Variants in TGFB1 observed in about 807,000 individuals in gnomAD.
TGFB1 encodes the protein transforming growth factor beta 1.
TGFB1 carries 19 observed loss-of-function variants against 43.8 expected under a neutral mutation model. That is an observed-to-expected ratio of 0.43 (90% CI 0.30 to 0.64). TGFB1 has a LOEUF of 0.64. Ranked by LOEUF, TGFB1 falls within the 30% of genes least tolerant of loss-of-function variation. The pLI is 0.11. For missense variants in TGFB1, 445 were observed against 529.8 expected (o/e 0.84, Z 1.57); for synonymous variants, 221 against 236.3 (o/e 0.94, Z 0.60).
intron 2 of TGFB1, among the ~76,000 whole-genome samples, chr19:41,347,843 A>G (rs1483071210): frequency 2.0e-5 from 3 of 149,904 alleles, no homozygotes; most frequent in African/African-American, 7.4e-5. Flanking sequence ...AAAAAAAAAA[A>G]AAAAAAGAGG....
At chr19:41,331,375 T>C (rs1792213120) in intron 6 of TGFB1, among the ~76,000 whole-genome samples, 165 bp from the exon 7 acceptor site, 1 of 152,058 alleles carries the variant, frequency 6.6e-6, no homozygotes, top group African/African-American at 2.4e-5. Flanking sequence ...TCTAACATCC[T>C]ATCTTATTCT....
At position 41,344,757 on chromosome 19, in the gene TGFB1, C is replaced by T; in HGVS notation, c.624G>A (p.Leu208=). 6.2e-7 allele frequency: 1 copy of T among 1,613,976 alleles called. No homozygotes were observed. The highest frequency in any genetic ancestry group is 8.5e-7 in the Non-Finnish European group (1 of 1,179,988). The change falls in exon 3 of 7, where the codon TTG becomes TTA. Residue 208 remains leucine, a synonymous_variant. Transcript: ENST00000221930. ...ACAAGTAATCCTCACCTCCACGGCTCAACCACTGCCGCACAACTCCGGTGA... is the reference window on the plus strand; with the variant it reads ...ACAAGTAATCCTCACCTCCACGGCTTAACCACTGCCGCACAACTCCGGTGA... ...FDVTGVVRQW[L]SRGGEIEGFR... is the part of the protein sequence containing the mutation.
At position 41,330,856 on chromosome 19, in the gene TGFB1, G is replaced by A. The variant is rs201103297; in HGVS notation, c.*196C>T. On this transcript the variant is annotated 3_prime_UTR_variant, in exon 7 of 7. Coordinates refer to ENST00000221930, the MANE Select transcript of TGFB1 (RefSeq NM_000660.7). ...AGAGGGAGAGAGAGGGAGTGGGAGT[G>A]GGGGAACGTCAGGGATGGAGACCCC... 5.7e-6 allele frequency: 3 copies of A among 527,366 alleles called. No individual in the cohort carries two copies. In the South Asian group the frequency reaches 7.0e-5, roughly 12 times the overall value. The allele number at this position is 527,366 out of a possible 1,614,324, so 32.7% of individuals were successfully genotyped here. A position where few individuals can be genotyped will look rare whatever the true frequency, so the allele number is the denominator to read the frequency against.
intron 2 of TGFB1, among the ~76,000 whole-genome samples, chr19:41,345,173 G>A (rs1285058033): frequency 2.0e-5 from 3 of 152,212 alleles, no homozygotes; most frequent in African/African-American, 4.8e-5. Flanking sequence ...CCCACTCAGC[G>A]TGGACAGCCC....
rs761285322 is a variant in TGFB1, at chr19:41,342,246, C to T, written c.636G>A (p.Gly212=). 1.3e-6 allele frequency: 2 copies of T among 1,594,854 alleles called. No individual in the cohort carries two copies. Among genetic ancestry groups the T allele is most frequent in the Admixed American group, 1.7e-5 (1 of 57,270 alleles). The part of the protein sequence containing the change: ...GVVRQWLSRG[G]EIEGFRLSAH... ...CGCTAAGGCGAAAGCCCTCAATTTCCCCTGTAGGAGTGGCGAGAGGGAAGC... is the reference window on the plus strand; with the variant it reads ...CGCTAAGGCGAAAGCCCTCAATTTCTCCTGTAGGAGTGGCGAGAGGGAAGC... The change falls in exon 4 of 7, where the codon GGG becomes GGA. Residue 212 remains glycine, a splice_region_variant and synonymous_variant. Transcript: ENST00000221930.
chr19:41,338,969 C>CGTGTGTGTGTGT (rs71179696), intron 5 of TGFB1, among the ~76,000 whole-genome samples: 1 of 150,122 alleles, frequency 6.7e-6, no homozygotes, highest in Non-Finnish European at 1.5e-5. Flanking sequence ...ATGGGGGGTA[C>CGTGTGTGTGTGT]GTGTGTGTGT....
intron 5 of TGFB1, among the ~76,000 whole-genome samples, chr19:41,339,931 C>T (rs560610758): frequency 7.2e-5 from 11 of 152,000 alleles, no homozygotes; most frequent in African/African-American, 9.7e-5. Flanking sequence ...GGGAAACAGC[C>T]GGTAACAAAG....
intron 3 of TGFB1, among the ~76,000 whole-genome samples, chr19:41,343,306 G>A (rs1002174462): frequency 2.0e-5 from 3 of 151,906 alleles, no homozygotes; most frequent in Admixed American, 1.3e-4. Flanking sequence ...AGCTAATTAT[G>A]TATTTTTAGT....
At chr19:41,334,609 C>G (rs1419373839) in intron 5 of TGFB1, among the ~76,000 whole-genome samples, 1 of 151,602 alleles carries the variant, frequency 6.6e-6, no homozygotes, top group African/African-American at 2.4e-5. Flanking sequence ...AGGACCCTGT[C>G]TTTACTAAAA....
intron 1 of TGFB1, chr19:41,350,915 G>A (rs2038183043): frequency 1.3e-5 from 2 of 152,498 alleles, no homozygotes; most frequent in South Asian, 2.1e-4. Context: ...AGGAGGGAGA[G>A]GAAGGGTTGG....
chr19:41,347,992 C>T (rs929219885), intron 2 of TGFB1, among the ~76,000 whole-genome samples: 24 of 146,766 alleles, frequency 1.6e-4, no homozygotes, highest in African/African-American at 5.7e-4. Flanking sequence ...ATTAGCTGGG[C>T]GTGGTGGCGC....
chr19:41,332,169 G>C lies in TGFB1; in HGVS notation c.973C>G (p.Pro325Ala), dbSNP rs200209614. The C allele has an allele frequency of 3.1e-6, 5 of 1,614,144 alleles. No individual in the cohort carries two copies. In the African/African-American group the frequency reaches 5.3e-5, roughly 17 times the overall value. ...KGYHANFCLG[P>A]CPYIWSLDTQ... The stretch of plus-strand genomic sequence containing the variant: ...TCCAGGCTCCAAATGTAGGGGCAGG[G>C]CCCGAGGCAGAAGTTGGCATGGTAG... The change falls in exon 6 of 7, where the codon CCC becomes GCC. Residue 325 changes from proline (P) to alanine (A), a missense_variant. Pro to Ala is a conservative substitution (Grantham distance 27). Transcript: ENST00000221930.
intron 4 of TGFB1, 41 bp from the exon 5 acceptor site, chr19:41,342,071 C>A (rs1426551651): frequency 6.2e-7 from 1 of 1,613,994 alleles, no homozygotes; most frequent in Non-Finnish European, 8.5e-7. Context: ...GACATACACA[C>A]ACACTCTCAG....
Position 41,344,768 on chromosome 19 carries a change from G to T in TGFB1, c.613C>A (p.Arg205=). 6.2e-7 allele frequency: 1 copy of T among 1,613,854 alleles called. No individual in the cohort carries two copies. Among genetic ancestry groups the T allele is most frequent in the South Asian group, 1.1e-5 (1 of 91,002 alleles). The part of the protein sequence containing the change: ...WLSFDVTGVV[R]QWLSRGGEIE... ...TCACCTCCACGGCTCAACCACTGCC[G>T]CACAACTCCGGTGACATCAAAAGAT... Residue 205 remains arginine (R), a synonymous_variant, in exon 3 of 7, where the codon CGG becomes AGG. Transcript: ENST00000221930.
At chr19:41,348,824 A>T (rs1484011618) in intron 1 of TGFB1, among the ~76,000 whole-genome samples, 2 of 151,658 alleles carry the variant, frequency 1.3e-5, no homozygotes, top group African/African-American at 4.8e-5. Flanking sequence ...GGGTTTCACC[A>T]TGTTGGCCAG....
chr19:41,338,306 C>T (rs1447981592), intron 5 of TGFB1, among the ~76,000 whole-genome samples: 2 of 151,620 alleles, frequency 1.3e-5, no homozygotes. Context: ...CCAGCCTGGC[C>T]AACATGGTGA....
chr19:41,342,061 G>A, intron 4 of TGFB1, 31 bp from the exon 5 acceptor site: 2 of 1,614,150 alleles, frequency 1.2e-6, no homozygotes, highest in East Asian at 2.2e-5. Context: ...GGGGATAGGG[G>A]ACATACACAC....
intron 6 of TGFB1, among the ~76,000 whole-genome samples, chr19:41,331,758 C>G (rs1451407451): frequency 6.6e-6 from 1 of 151,552 alleles, no homozygotes; most frequent in Non-Finnish European, 1.5e-5. Flanking sequence ...TCGCCTCTTG[C>G]CTTGTTGTGT....
chr19:41,347,514 CAA>C (rs1434153625), intron 2 of TGFB1, among the ~76,000 whole-genome samples: 1 of 151,920 alleles, frequency 6.6e-6, no homozygotes, highest in Admixed American at 6.6e-5. Flanking sequence ...TCCTAGGATG[CAA>C]AGAGTCTGAA....
Sources: gnomAD v4.1 joint callset for allele counts (sites outside exome capture counted in the v4.1 genomes callset) on GRCh38, gnomAD v4.1.1 for gene constraint, MANE v1.5 for transcripts, NCBI Gene and HGNC (gene_info 2026-07-23, HGNC 2026-07-21) for gene names.